The following RGS7 variants were observed in gnomAD, a reference collection of about 807,000 sequenced individuals.
RGS7 encodes regulator of G protein signaling 7, also known as regulator of G-protein signaling 7.
In RGS7, 27 loss-of-function variants were observed where a neutral mutation model predicts 81.1. The ratio of observed to expected loss-of-function variants is 0.33; its 90% CI spans 0.25 to 0.46. RGS7 has a LOEUF of 0.46. Ranked by LOEUF, RGS7 falls within the 20% of genes least tolerant of loss-of-function variation. The pLI is 1.00. For missense variants in RGS7, 396 were observed against 607.4 expected (o/e 0.65, Z 3.66); for synonymous variants, 208 against 207.7 (o/e 1.00, Z -0.01).
intron 2 of RGS7, among the ~76,000 whole-genome samples, chr1:241,197,963 G>A (rs199850678): frequency 7.4e-5 from 11 of 148,408 alleles, no homozygotes; most frequent in Non-Finnish European, 1.2e-4. Context: ...CTATCTATCT[G>A]TCTACCTACC....
intron 2 of RGS7, among the ~76,000 whole-genome samples, chr1:241,221,054 A>G (rs2074954316): frequency 7.5e-6 from 1 of 133,620 alleles, no homozygotes; most frequent in Admixed American, 7.2e-5. Context: ...AAAGAAAGAA[A>G]GAAAGAGAGA....
intron 6 of RGS7, among the ~76,000 whole-genome samples, chr1:240,912,173 A>AG (rs1465220209): frequency 6.6e-6 from 1 of 150,924 alleles, no homozygotes; most frequent in Admixed American, 6.6e-5. Flanking sequence ...AAAAAAAAAA[A>AG]AAAAGATTTT....
chr1:241,160,094 G>C (rs1294607199), intron 2 of RGS7, among the ~76,000 whole-genome samples: 1 of 126,362 alleles, frequency 7.9e-6, no homozygotes, highest in African/African-American at 3.0e-5. Context: ...CTGGGTGACA[G>C]AGCGAGACTC....
intron 9 of RGS7, among the ~76,000 whole-genome samples, chr1:240,834,580 G>A (rs868732205): frequency 6.6e-5 from 10 of 152,176 alleles, no homozygotes; most frequent in African/African-American, 2.2e-4. Context: ...GCGTGACCTC[G>A]GCTCACTGCA....
At chr1:241,032,651 C>T (rs1558624364) in intron 3 of RGS7, among the ~76,000 whole-genome samples, 2 of 152,058 alleles carry the variant, frequency 1.3e-5, no homozygotes, top group Non-Finnish European at 2.9e-5. Flanking sequence ...TTACTTGTGT[C>T]AATTTCTTTC....
intron 9 of RGS7, among the ~76,000 whole-genome samples, chr1:240,841,225 C>T (rs1484159630): frequency 2.6e-5 from 4 of 152,214 alleles, no homozygotes; most frequent in African/African-American, 9.7e-5. Flanking sequence ...CAGGAAGACA[C>T]TGGGAACTTA....
At chr1:240,798,394 A>G (rs1458995937) in intron 18 of RGS7, among the ~76,000 whole-genome samples, 2 of 152,190 alleles carry the variant, frequency 1.3e-5, no homozygotes, top group Admixed American at 1.3e-4. Context: ...TGGTTATAAA[A>G]ACCCTAGGCT....
chr1:241,039,571 T>G (rs1352820965), intron 3 of RGS7, among the ~76,000 whole-genome samples: 3 of 152,188 alleles, frequency 2.0e-5, no homozygotes, highest in East Asian at 3.9e-4. Context: ...ATTTCTTTTT[T>G]TTTTTTCCCC....
chr1:241,161,682 G>A (rs2069687351), intron 2 of RGS7, among the ~76,000 whole-genome samples: 1 of 149,008 alleles, frequency 6.7e-6, no homozygotes, highest in Non-Finnish European at 1.5e-5. Context: ...TGTAATACAT[G>A]TACATTACAT....
At chr1:240,897,868 T>G (rs190392100) in intron 6 of RGS7, among the ~76,000 whole-genome samples, 5 of 152,344 alleles carry the variant, frequency 3.3e-5, no homozygotes, top group Non-Finnish European at 7.3e-5. Context: ...TACCAGCTCC[T>G]CTTTTTACCT....
chr1:240,948,517 C>G (rs1355822593), intron 4 of RGS7, among the ~76,000 whole-genome samples: 4 of 152,072 alleles, frequency 2.6e-5, no homozygotes, highest in Non-Finnish European at 5.9e-5. Flanking sequence ...GATCTGGGCT[C>G]ATTGCAACCA....
At chr1:241,352,246 C>T (rs2148747023) in intron 2 of RGS7, among the ~76,000 whole-genome samples, 1 of 152,346 alleles carries the variant, frequency 6.6e-6, no homozygotes, top group South Asian at 2.1e-4. Flanking sequence ...CTGAATCCAA[C>T]ACCTCTTGGA....
At chr1:241,085,887 G>C (rs1277191608) in intron 3 of RGS7, among the ~76,000 whole-genome samples, 1 of 152,146 alleles carries the variant, frequency 6.6e-6, no homozygotes, top group African/African-American at 2.4e-5. Flanking sequence ...TCAAGACATA[G>C]CACAATGGGA....
intron 2 of RGS7, among the ~76,000 whole-genome samples, chr1:241,261,108 A>C (rs1339326459): frequency 6.6e-6 from 1 of 152,008 alleles, no homozygotes; most frequent in Non-Finnish European, 1.5e-5. Context: ...AAAACAAACA[A>C]AAAAAAACAA....
Position 241,259,232 on chromosome 1 carries a change from G to A in RGS7, c.78+96467C>T, listed in dbSNP as rs79940596. Among the ~76,000 whole-genome samples the A allele has an allele frequency of 1.0e-2, 1,518 of 152,214 alleles. 43 individuals carry two copies. The highest frequency in any genetic ancestry group is 0.083 in the East Asian group (431 of 5,180). On this transcript the variant is annotated intron_variant, in intron 2 of 18. Transcript: ENST00000440928. ...CAAATAATGTGGCACTATACTAGCC[G>A]TGGTATTGATTAGGCATTATCCTAT... is the stretch of plus-strand genomic sequence containing the variant.
chr1:241,098,872 C>T lies in RGS7; in HGVS notation c.79-110G>A, dbSNP rs185459189. 194 of 746,636 alleles carry T rather than the reference C, an allele frequency of 2.6e-4. 1 individual carries two copies. In the East Asian group the frequency reaches 3.4e-3, roughly 13 times the overall value. The allele number at this position is 746,636 out of a possible 1,614,324, so 46.3% of individuals were successfully genotyped here. Reference sequence around the variant, plus strand: ...TGTTTTGCCCAACTAAGAACAATGCCGTATTCTTGCCTTTCTAGTTTTTGC... The same window carrying T: ...TGTTTTGCCCAACTAAGAACAATGCTGTATTCTTGCCTTTCTAGTTTTTGC... On this transcript the variant is annotated intron_variant, in intron 2 of 18. Coordinates refer to ENST00000440928, the MANE Select transcript of RGS7 (RefSeq NM_001364886.1).
At chr1:241,028,460 A>T (rs1367632396) in intron 3 of RGS7, among the ~76,000 whole-genome samples, 2 of 152,202 alleles carry the variant, frequency 1.3e-5, no homozygotes, top group African/African-American at 4.8e-5. Flanking sequence ...AGAGGTAGAG[A>T]CAAGACGCAC....
chr1:240,850,017 A>AC (rs1659822455), intron 9 of RGS7, among the ~76,000 whole-genome samples: 1 of 152,208 alleles, frequency 6.6e-6, no homozygotes, highest in East Asian at 1.9e-4. Flanking sequence ...TGGGACCAGA[A>AC]CACCTGCCTT....
intron 9 of RGS7, among the ~76,000 whole-genome samples, chr1:240,833,512 T>G (rs1318540933): frequency 6.6e-6 from 1 of 152,186 alleles, no homozygotes; most frequent in Non-Finnish European, 1.5e-5. Flanking sequence ...ACTGTGAGTT[T>G]ATTAGAGTAT....
Sources: gnomAD v4.1 joint callset for allele counts (sites outside exome capture counted in the v4.1 genomes callset) on GRCh38, gnomAD v4.1.1 for gene constraint, MANE v1.5 for transcripts, NCBI Gene and HGNC (gene_info 2026-07-23, HGNC 2026-07-21) for gene names.